Variants in COL19A1 observed in about 807,000 individuals in gnomAD.
The protein encoded by COL19A1 is collagen alpha-1(XIX) chain.
In COL19A1, 159 loss-of-function variants were observed where a neutral mutation model predicts 190.2. The ratio of observed to expected loss-of-function variants is 0.84; its 90% CI spans 0.73 to 0.95. The LOEUF (loss-of-function observed/expected upper bound fraction) is 0.95, where lower values mean the gene tolerates loss of function less well. COL19A1 is among the 40% of genes least tolerant of loss of function. The pLI is 0.00. For synonymous variants in COL19A1, 509 were observed against 458.9 expected, an observed-to-expected ratio of 1.11 and a Z score of -1.39; for missense variants, 1,418 against 1,431.9, an observed-to-expected ratio of 0.99 and a Z score of 0.16.
chr6:69,990,821 A>G (rs1479450947), intron 11 of COL19A1, among the ~76,000 whole-genome samples: 1 of 152,066 alleles, frequency 6.6e-6, no homozygotes, highest in Non-Finnish European at 1.5e-5. Flanking sequence ...ATCTAGGCCA[A>G]TTAATTCATT....
At chr6:69,947,494 C>T (rs569576463) in intron 9 of COL19A1, among the ~76,000 whole-genome samples, 72 of 151,864 alleles carry the variant, frequency 4.7e-4, no homozygotes, top group Non-Finnish European at 8.7e-4. Context: ...CCTATATATG[C>T]CTATATTAAT....
rs529385962 is a variant in COL19A1, at chr6:70,029,841, A to G, written c.1081-4404A>G. Among the ~76,000 whole-genome samples the G allele has an allele frequency of 4.6e-5, 7 of 152,328 alleles. 1 individual carries two copies. In the South Asian group the frequency reaches 8.3e-4, roughly 18 times the overall value. On this transcript the variant is annotated intron_variant, in intron 12 of 50. Coordinates refer to ENST00000620364, the MANE Select transcript of COL19A1 (RefSeq NM_001858.6). ...CTGGTATAAAGCTGAACAAGAAAGA[A>G]CTATCAGTTATCCCTTAAACTTGAA... is the stretch of plus-strand genomic sequence containing the variant.
At chr6:70,145,153 C>T in intron 25 of COL19A1, 146 bp downstream of exon 25, 1 of 651,854 alleles carries the variant, frequency 1.5e-6, no homozygotes, top group Non-Finnish European at 2.7e-6. Flanking sequence ...TACCATTTGA[C>T]CTAGCAATCC....
At chr6:70,142,725 C>A (rs369902632) in intron 22 of COL19A1, 42 bp from the exon 23 acceptor site, 2 of 1,458,798 alleles carry the variant, frequency 1.4e-6, no homozygotes, top group East Asian at 2.3e-5. Flanking sequence ...CTTTTTTTTT[C>A]TTTTTTAGCA....
At position 70,137,717 on chromosome 6, in the gene COL19A1, T is replaced by C. The variant is rs924151528; in HGVS notation, c.1416T>C (p.Ser472=). The change falls in exon 19 of 51, where the codon TCT becomes TCC. Residue 472 remains serine, a synonymous_variant. Coordinates refer to ENST00000620364, the MANE Select transcript of COL19A1 (RefSeq NM_001858.6). The part of the protein sequence containing the change: ...GETGLPGFPG[S]VGPKGQKGEP... ...CTGGACTACCAGGATTTCCAGGGTC[T>C]GTTGGCCCTAAAGGACAAAAAGGAG... is the stretch of plus-strand genomic sequence containing the variant. The C allele has an allele frequency of 6.2e-7, 1 of 1,613,422 alleles. No homozygotes were observed. The highest frequency in any genetic ancestry group is 1.3e-5 in the African/African-American group (1 of 75,016).
intron 8 of COL19A1, among the ~76,000 whole-genome samples, chr6:69,937,709 A>AT (rs1184019931): frequency 6.6e-6 from 1 of 152,128 alleles, no homozygotes; most frequent in Non-Finnish European, 1.5e-5. Context: ...GGAAACTTTC[A>AT]TTTTTTCTAG....
chr6:70,160,283 T>A (rs1787714363), intron 34 of COL19A1, among the ~76,000 whole-genome samples: 1 of 151,920 alleles, frequency 6.6e-6, no homozygotes, highest in South Asian at 2.1e-4. Context: ...AGGAGGAACT[T>A]CCAAACACTT....
At chr6:70,141,667 G>A (rs886722739) in intron 20 of COL19A1, among the ~76,000 whole-genome samples, 4 of 152,100 alleles carry the variant, frequency 2.6e-5, no homozygotes, top group Admixed American at 2.6e-4. Context: ...GTCAAAAATG[G>A]CATTGGGGGA....
intron 4 of COL19A1, among the ~76,000 whole-genome samples, chr6:69,910,411 T>G (rs895694940): frequency 6.6e-6 from 1 of 152,166 alleles, no homozygotes; most frequent in African/African-American, 2.4e-5. Flanking sequence ...TCAAAAATAA[T>G]AAACAGTTGT....
intron 12 of COL19A1, among the ~76,000 whole-genome samples, chr6:70,024,624 G>GGT (rs1778631903): frequency 1.6e-5 from 2 of 128,202 alleles, no homozygotes; most frequent in African/African-American, 2.7e-5. Context: ...TGGGTGTGTG[G>GGT]GTGTGTGTGT....
intron 16 of COL19A1, among the ~76,000 whole-genome samples, chr6:70,108,391 T>G (rs192829389): frequency 3.9e-5 from 6 of 152,234 alleles, no homozygotes; most frequent in African/African-American, 7.2e-5. Flanking sequence ...GCATAGCAAT[T>G]TCAGTTGAAA....
At chr6:70,115,825 G>GTTTTTTTT (rs57814985) in intron 16 of COL19A1, among the ~76,000 whole-genome samples, 50 of 117,164 alleles carry the variant, frequency 4.3e-4, no homozygotes, top group Middle Eastern at 5.3e-3. Context: ...TTGGTGTTTT[G>GTTTTTTTT]TTTTTTTTTT....
chr6:69,897,615 T>C (rs1561974597), intron 2 of COL19A1, among the ~76,000 whole-genome samples: 2 of 152,156 alleles, frequency 1.3e-5, no homozygotes. Flanking sequence ...TTTAGGTCTT[T>C]AATTTCTCTC....
intron 12 of COL19A1, among the ~76,000 whole-genome samples, chr6:70,028,944 G>A (rs1373567380): frequency 6.6e-6 from 1 of 151,974 alleles, no homozygotes; most frequent in Non-Finnish European, 1.5e-5. Context: ...GTTTCTGTGG[G>A]GTTATACAAT....
At chr6:70,104,200 C>T (rs1582919690) in intron 16 of COL19A1, among the ~76,000 whole-genome samples, 1 of 152,176 alleles carries the variant, frequency 6.6e-6, no homozygotes, top group Admixed American at 6.6e-5. Flanking sequence ...AGCTGGGTGT[C>T]TGCATTAGTC....
At chr6:70,199,782 G>C in intron 49 of COL19A1, 46 bp downstream of exon 49, 1 of 1,543,606 alleles carries the variant, frequency 6.5e-7, no homozygotes, top group African/African-American at 1.4e-5. Context: ...TTAACTCTCT[G>C]TATTTATAAC....
In COL19A1 at chr6:70,208,190, G is replaced by A. The variant is rs1351133659; in HGVS notation, c.*916G>A. Reference sequence around the variant, plus strand: ...GGCCTAGCAAGATCTTTGGGCCCTTGTATCCATTATCCTTATGACCTCATC... The same window carrying A: ...GGCCTAGCAAGATCTTTGGGCCCTTATATCCATTATCCTTATGACCTCATC... On this transcript the variant is annotated 3_prime_UTR_variant, in exon 51 of 51. Transcript: ENST00000620364. The A allele has an allele frequency of 2.6e-5, 4 of 152,194 alleles. No individual in the cohort carries two copies. The highest frequency in any genetic ancestry group is 9.7e-5 in the African/African-American group (4 of 41,446). 9.4% of individuals were successfully genotyped at this position (152,194 alleles called of 1,614,324 possible).
intron 12 of COL19A1, among the ~76,000 whole-genome samples, chr6:70,033,589 A>C (rs1471995165): frequency 1.3e-5 from 2 of 152,152 alleles, no homozygotes; most frequent in Non-Finnish European, 2.9e-5. Context: ...AGTCAGATCA[A>C]CTAAATACCC....
At chr6:70,049,072 A>T (rs1780057804) in intron 14 of COL19A1, among the ~76,000 whole-genome samples, 1 of 151,930 alleles carries the variant, frequency 6.6e-6, no homozygotes. Context: ...AGTAATTAAC[A>T]GGCTATTCAA....
Sources: allele counts gnomAD v4.1 joint callset (sites outside exome capture counted in the v4.1 genomes callset), GRCh38; gene constraint gnomAD v4.1.1; transcripts MANE v1.5; gene names NCBI Gene and HGNC (gene_info 2026-07-23, HGNC 2026-07-21).